The following SLC38A10 variants were observed in gnomAD, a reference collection of about 807,000 sequenced individuals.
The protein encoded by SLC38A10 is Sodium-coupled neutral amino acid transporter 10.
In SLC38A10, 53 loss-of-function variants were observed where a neutral mutation model predicts 81.0. The ratio of observed to expected loss-of-function variants is 0.65; its 90% CI spans 0.53 to 0.82. SLC38A10 has a LOEUF of 0.82. Ranked by LOEUF, SLC38A10 falls within the 40% of genes least tolerant of loss-of-function variation. SLC38A10 has a pLI of 0.00. For synonymous variants in SLC38A10, 665 were observed against 655.3 expected (o/e 1.01, Z -0.23); for missense variants, 1,471 against 1,545.0 (o/e 0.95, Z 0.80).
chr17:81,255,637 G>A (rs1245395979), intron 11 of SLC38A10, among the ~76,000 whole-genome samples: 1 of 152,176 alleles, frequency 6.6e-6, no homozygotes, highest in Non-Finnish European at 1.5e-5. Context: ...CTCCACGCAC[G>A]CCCCCAGGAA....
chr17:81,277,199 T>C lies in SLC38A10; in HGVS notation c.627-66A>G, dbSNP rs2146937077. 1 of 1,394,478 alleles carries C rather than the reference T, an allele frequency of 7.2e-7. No homozygotes were observed. The highest frequency in any genetic ancestry group is 2.3e-5 in the East Asian group (1 of 43,394). 86.4% of individuals were successfully genotyped at this position (1,394,478 alleles called of 1,614,324 possible). A position where few individuals can be genotyped will look rare whatever the true frequency, so the allele number is the denominator to read the frequency against. ...GCACGCCCTCCCCAGCGGCTCCACTTCTAGGACCTCTCTGCAGCCCAGTGA... is the reference window on the plus strand; with the variant it reads ...GCACGCCCTCCCCAGCGGCTCCACTCCTAGGACCTCTCTGCAGCCCAGTGA... On this transcript the variant is annotated intron_variant, in intron 6 of 15. Coordinates refer to ENST00000374759, the MANE Select transcript of SLC38A10 (RefSeq NM_001037984.3). This position sits in a 1 kb window ranked among gnomAD's most constrained non-coding sequence, Gnocchi z 4.5.
chr17:81,252,223 T>C lies in SLC38A10; in HGVS notation c.1917A>G (p.Thr639=), dbSNP rs1341921459. 2 of 1,533,328 alleles carry C rather than the reference T, an allele frequency of 1.3e-6. No homozygotes were observed. The highest frequency in any genetic ancestry group is 2.3e-5 in the East Asian group (1 of 44,192). 95.0% of individuals were successfully genotyped at this position (1,533,328 alleles called of 1,614,324 possible). A position where few individuals can be genotyped will look rare whatever the true frequency, so the allele number is the denominator to read the frequency against. ...GPPPGNAAGD[T]GQPAEDSDHG... is the part of the protein sequence containing the mutation. ...GGTCGCTGTCCTCTGCGGGCTGCCC[T>C]GTGTCCCCGGCGGCGTTGCCTGGCG... The change falls in exon 13 of 16, where the codon ACA becomes ACG. Residue 639 remains threonine, a synonymous_variant. Transcript: ENST00000374759.
chr17:81,284,452 A>G (rs577177078), intron 3 of SLC38A10, among the ~76,000 whole-genome samples: 182 of 152,318 alleles, frequency 1.2e-3, no homozygotes, highest in Non-Finnish European at 2.0e-3. Context: ...ACAATTCCCT[A>G]ATTTAGAAGC....
At chr17:81,260,432 T>C (rs2063011738) in intron 10 of SLC38A10, 38 bp from the exon 11 acceptor site, 7 of 1,586,616 alleles carry the variant, frequency 4.4e-6, no homozygotes, top group Middle Eastern at 1.9e-4. Flanking sequence ...GAGTCACAGC[T>C]GGCCCCCGCC....
In SLC38A10 at chr17:81,246,574, A is replaced by AAAGGC. The variant is rs1424691414; in HGVS notation, c.2337_2341dup (p.Leu781CysfsTer55). The AAAGGC allele has an allele frequency of 9.9e-6, 15 of 1,517,604 alleles. No homozygotes were observed. The African/African-American group carries it at 1.8e-4, about 18-fold the overall frequency. 94.0% of individuals were successfully genotyped at this position (1,517,604 alleles called of 1,614,324 possible). A position where few individuals can be genotyped will look rare whatever the true frequency, so the allele number is the denominator to read the frequency against. On this transcript the variant is annotated frameshift_variant, in exon 16 of 16. Coordinates refer to ENST00000374759, the MANE Select transcript of SLC38A10 (RefSeq NM_001037984.3). LOFTEE classifies it low-confidence loss of function (END_TRUNC). ...CCCAGGAGCTCTGAGGACAGGGTCCAAAGGCAGGGGAGGCAGATTCTCCAC... is the reference window on the plus strand; with the variant it reads ...CCCAGGAGCTCTGAGGACAGGGTCCAAAGGCAAGGCAGGGGAGGCAGATTCTCCAC...
rs986869400 is a variant in SLC38A10, at chr17:81,277,344, C to CG, written c.627-212_627-211insC. Among the ~76,000 whole-genome samples the CG allele has an allele frequency of 1.3e-5, 2 of 152,206 alleles. No individual in the cohort carries two copies. Among genetic ancestry groups the CG allele is most frequent in the Non-Finnish European group, 2.9e-5 (2 of 68,020 alleles). On this transcript the variant is annotated intron_variant, in intron 6 of 15. Coordinates refer to ENST00000374759, the MANE Select transcript of SLC38A10 (RefSeq NM_001037984.3). This position sits in a 1 kb window ranked among gnomAD's most constrained non-coding sequence, Gnocchi z 4.5. ...AGCAGCCCCCACTCAGGACACCCCCCAGAGCGTGCACCATGCGAACATTCC... is the reference window on the plus strand; with the variant it reads ...AGCAGCCCCCACTCAGGACACCCCCCGAGAGCGTGCACCATGCGAACATTCC...
rs764038236 is a variant in SLC38A10 at position 81,245,913 on chromosome 17, C to T, written c.3003G>A (p.Pro1001=). ...GDHVPVSHEQ[P]RGGEDAAVQE... is the part of the protein sequence containing the mutation. Reference sequence around the variant, plus strand: ...GGACAGCAGCGTCCTCCCCGCCTCTCGGCTGCTCGTGGGACACAGGCACAT... The same window carrying T: ...GGACAGCAGCGTCCTCCCCGCCTCTTGGCTGCTCGTGGGACACAGGCACAT... The change falls in exon 16 of 16, where the codon CCG becomes CCA. Residue 1001 remains proline, a synonymous_variant. Transcript: ENST00000374759. 18 of 1,611,804 alleles carry T rather than the reference C, an allele frequency of 1.1e-5. 1 individual carries two copies. The Middle Eastern group carries it at 9.9e-4, about 89-fold the overall frequency.
intron 13 of SLC38A10, 192 bp from the exon 14 acceptor site, chr17:81,251,804 T>C (rs1301451963): frequency 1.3e-5 from 8 of 615,322 alleles, no homozygotes; most frequent in Middle Eastern, 4.5e-4. Flanking sequence ...AACAACCTCA[T>C]AGGCTTGTGG....
rs1318649718 is a variant in SLC38A10 at position 81,245,493 on chromosome 17, GAGAC to G, written c.*59_*62del. On this transcript the variant is annotated 3_prime_UTR_variant, in exon 16 of 16. Transcript: ENST00000374759. ...TCCAGAGTTTGGCTGGGATGCGGCT[GAGAC>G]AGACCTGCTGCTGGCCGAGGAGGGC... The G allele has an allele frequency of 3.9e-6, 6 of 1,519,228 alleles. No individual in the cohort carries two copies. The East Asian group carries it at 9.2e-5, about 23-fold the overall frequency. The allele number at this position is 1,519,228 out of a possible 1,614,324, so 94.1% of individuals were successfully genotyped here.
At chr17:81,291,348 TTGG>T in intron 1 of SLC38A10, among the ~76,000 whole-genome samples, 1 of 151,034 alleles carries the variant, frequency 6.6e-6, no homozygotes, top group East Asian at 2.0e-4. Context: ...TTAGCCAGGC[TTGG>T]TGGTGGGCGC....
At chr17:81,274,342 C>T (rs532403117) in intron 8 of SLC38A10, among the ~76,000 whole-genome samples, 7 of 152,226 alleles carry the variant, frequency 4.6e-5, no homozygotes, top group African/African-American at 7.2e-5. Context: ...CTGTGGTGAC[C>T]GCACACCTGG....
intron 15 of SLC38A10, 64 bp downstream of exon 15, chr17:81,246,821 G>T (rs142704320): frequency 2.6e-6 from 4 of 1,521,252 alleles, no homozygotes; most frequent in Non-Finnish European, 3.5e-6. Context: ...AGACCCAGCC[G>T]CATGAGGACA....
intron 14 of SLC38A10, chr17:81,250,743 T>C: frequency 1.2e-6 from 1 of 841,130 alleles, no homozygotes; most frequent in Non-Finnish European, 1.4e-6. Flanking sequence ...ACCCCTAGCC[T>C]GGGAGAGGAC....
intron 2 of SLC38A10, among the ~76,000 whole-genome samples, chr17:81,287,076 T>TGAC (rs925758348): frequency 6.6e-6 from 1 of 152,010 alleles, no homozygotes; most frequent in African/African-American, 2.4e-5. Flanking sequence ...AGTGAGAAGG[T>TGAC]GACGAAAACG....
Position 81,253,012 on chromosome 17 carries a change from C to T in SLC38A10, c.1456+61G>A. On this transcript the variant is annotated intron_variant, in intron 12 of 15. Coordinates refer to ENST00000374759, the MANE Select transcript of SLC38A10 (RefSeq NM_001037984.3). The surrounding 1 kb of genome is among the most constrained non-coding windows in gnomAD (Gnocchi z 4.1). ...GAGAGCCACCCCGCAGGGTGTCCAG[C>T]CTGCAAAGGAGGACCCGGGGCCGCC... is the stretch of plus-strand genomic sequence containing the variant. 3 of 1,583,702 alleles carry T rather than the reference C, an allele frequency of 1.9e-6. No homozygotes were observed. The highest frequency in any genetic ancestry group is 1.7e-6 in the Non-Finnish European group (2 of 1,164,434).
rs1384588110 is a variant in SLC38A10, at chr17:81,281,407, T to C, written c.502-674A>G. ...AGAGAATGGAGGGTGTGCTGGGGGC[T>C]CTGGGTGGTATCCGTGTTCTCAGTG... On this transcript the variant is annotated intron_variant, in intron 5 of 15. Coordinates refer to ENST00000374759, the MANE Select transcript of SLC38A10 (RefSeq NM_001037984.3). The surrounding 1 kb of genome is among the most constrained non-coding windows in gnomAD (Gnocchi z 5.3). Among the ~76,000 whole-genome samples the C allele has an allele frequency of 6.6e-6, 1 of 152,026 alleles. No homozygotes were observed. The highest frequency in any genetic ancestry group is 1.5e-5 in the Non-Finnish European group (1 of 67,998).
intron 14 of SLC38A10, chr17:81,251,144 T>G: frequency 6.6e-7 from 1 of 1,519,690 alleles, no homozygotes; most frequent in East Asian, 2.3e-5. Context: ...CTCCGAGTGT[T>G]AAAACTGTTA....
At chr17:81,257,458 G>A (rs945082559) in intron 11 of SLC38A10, among the ~76,000 whole-genome samples, 6 of 152,090 alleles carry the variant, frequency 3.9e-5, no homozygotes, top group African/African-American at 1.2e-4. Flanking sequence ...TTATAATTTT[G>A]TGTCATGTTT....
chr17:81,272,608 G>A lies in SLC38A10; in HGVS notation c.932C>T (p.Ala311Val). Reference protein sequence around the residue: ...CEQQQKDGTFAAGGYMPPLRF... With the variant: ...CEQQQKDGTFVAGGYMPPLRF... ...GAGAGGGGGCATGTAGCCCCCTGCT[G>A]CAAAGGTGCCATCTTTTTGCTGTAC... The change falls in exon 9 of 16, where the codon GCA becomes GTA. Residue 311 changes from alanine to valine, a missense_variant. This residue lies in a region of SLC38A10 where 720 missense variants were observed against 827.7 expected (regional missense o/e 0.87). Transcript: ENST00000374759. 6 of 1,553,894 alleles carry A rather than the reference G, an allele frequency of 3.9e-6. No homozygotes were observed. The highest frequency in any genetic ancestry group is 5.2e-6 in the Non-Finnish European group (6 of 1,155,536).
Sources: allele counts gnomAD v4.1 joint callset (sites outside exome capture counted in the v4.1 genomes callset), GRCh38; gene constraint gnomAD v4.1.1; regional missense constraint gnomAD v4.1.1; non-coding constraint Gnocchi (gnomAD v3.1); transcripts MANE v1.5; gene names NCBI Gene and HGNC (gene_info 2026-07-23, HGNC 2026-07-21).